The following SOX6 variants were observed in gnomAD, a reference collection of about 807,000 sequenced individuals.
SOX6 encodes SRY-box transcription factor 6, also known as transcription factor SOX-6.
In SOX6, 11 loss-of-function variants were observed where a neutral mutation model predicts 97.8. The observed-to-expected ratio is 0.11, with a 90% confidence interval of 0.07 to 0.19. The LOEUF is 0.19. Ranked by LOEUF, SOX6 falls within the 10% of genes least tolerant of loss-of-function variation. The pLI is 1.00. For missense variants in SOX6, 810 were observed against 1,039.5 expected (o/e 0.78, Z 3.04); for synonymous variants, 360 against 371.4 (o/e 0.97, Z 0.35).
intron 6 of SOX6, among the ~76,000 whole-genome samples, chr11:16,164,775 C>T (rs1385346669): frequency 2.0e-5 from 3 of 149,756 alleles, no homozygotes; most frequent in East Asian, 2.0e-4. Context: ...GAGCCGAGAT[C>T]GCACCACTGC....
At chr11:16,686,247 T>C (rs1250690653) in intron 3 of SOX6, among the ~76,000 whole-genome samples, 1 of 152,238 alleles carries the variant, frequency 6.6e-6, no homozygotes, top group Non-Finnish European at 1.5e-5. Flanking sequence ...GAATTCCTCT[T>C]CCCAAAAAAT....
intron 1 of SOX6, among the ~76,000 whole-genome samples, chr11:16,349,657 A>C (rs1856861383): frequency 9.9e-6 from 1 of 100,592 alleles, no homozygotes; most frequent in African/African-American, 3.4e-5. Context: ...AAAACAGAAG[A>C]AAGAGAGGGA....
In SOX6 at chr11:15,981,970, T is replaced by C. The variant is rs951174285; in HGVS notation, c.2183+4234A>G. ...GGTATTGTCATTCTCATTCTACATA[T>C]GAAGAAACTGGTTAGAGAGAGATTA... On this transcript the variant is annotated intron_variant, in intron 15 of 15. Coordinates refer to ENST00000683767, the MANE Select transcript of SOX6 (RefSeq NM_001367873.1). Among the ~76,000 whole-genome samples the C allele has an allele frequency of 3.9e-5, 6 of 151,972 alleles. No homozygotes were observed. In the South Asian group the frequency reaches 6.2e-4, roughly 16 times the overall value.
intron 3 of SOX6, among the ~76,000 whole-genome samples, chr11:16,650,705 C>T (rs1299354355): frequency 6.6e-6 from 1 of 151,930 alleles, no homozygotes; most frequent in Non-Finnish European, 1.5e-5. Flanking sequence ...TCTAAGGCCA[C>T]ACCTCAAGGA....
At chr11:16,207,397 T>G (rs568146448) in intron 4 of SOX6, among the ~76,000 whole-genome samples, 1 of 151,938 alleles carries the variant, frequency 6.6e-6, no homozygotes, top group Admixed American at 6.6e-5. Flanking sequence ...GGTCAGGAGA[T>G]CGAGACCATC....
intron 1 of SOX6, chr11:16,382,419 T>C (rs1857850336): frequency 1.3e-5 from 2 of 152,022 alleles, no homozygotes; most frequent in African/African-American, 4.8e-5. Flanking sequence ...GAAGGAAACA[T>C]GGCTTTTATC....
intron 3 of SOX6, among the ~76,000 whole-genome samples, chr11:16,683,394 C>G (rs917797380): frequency 1.3e-5 from 2 of 151,886 alleles, no homozygotes; most frequent in African/African-American, 2.4e-5. Flanking sequence ...GATATATAGA[C>G]CAATAGAACA....
upstream of SOX6, among the ~76,000 whole-genome samples, chr11:16,360,864 A>G (rs574766026): frequency 4.6e-5 from 7 of 152,056 alleles, no homozygotes; most frequent in Non-Finnish European, 5.9e-5. Flanking sequence ...TTGGCCGGGC[A>G]TGGTGGCAGG....
intron 3 of SOX6, among the ~76,000 whole-genome samples, chr11:16,251,691 C>A (rs150150660): frequency 1.4e-4 from 22 of 152,108 alleles, no homozygotes; most frequent in African/African-American, 5.1e-4. Flanking sequence ...GTAGTACAAA[C>A]TTGGGAAACA....
intron 11 of SOX6, among the ~76,000 whole-genome samples, chr11:16,047,012 G>A (rs1316749229): frequency 6.6e-6 from 1 of 152,092 alleles, no homozygotes; most frequent in Non-Finnish European, 1.5e-5. Flanking sequence ...TGCTCTGCCT[G>A]TATGTACAAC....
intron 13 of SOX6, among the ~76,000 whole-genome samples, chr11:16,001,727 G>C (rs1362812552): frequency 2.6e-5 from 4 of 152,160 alleles, no homozygotes; most frequent in Admixed American, 2.6e-4. Context: ...AAAGATGCAA[G>C]GGCATGTCGA....
intron 6 of SOX6, among the ~76,000 whole-genome samples, chr11:16,117,844 G>T (rs1426201107): frequency 6.6e-6 from 1 of 152,056 alleles, no homozygotes; most frequent in Non-Finnish European, 1.5e-5. Flanking sequence ...AGTCACATTG[G>T]AAACAGCAAC....
intron 2 of SOX6, among the ~76,000 whole-genome samples, chr11:16,319,376 T>G (rs1437951226): frequency 6.6e-6 from 1 of 152,180 alleles, no homozygotes; most frequent in East Asian, 1.9e-4. Flanking sequence ...TAGTTATTAT[T>G]ATTATACTTT....
intron 1 of SOX6, among the ~76,000 whole-genome samples, chr11:16,410,288 A>T (rs1325345248): frequency 6.6e-6 from 1 of 152,208 alleles, no homozygotes; most frequent in Non-Finnish European, 1.5e-5. Context: ...ATGTCCAAAT[A>T]GCAGTTCTGA....
intron 9 of SOX6, among the ~76,000 whole-genome samples, chr11:16,078,047 C>T (rs543483897): frequency 1.3e-4 from 20 of 152,038 alleles, no homozygotes; most frequent in African/African-American, 4.3e-4. Flanking sequence ...GCCTTATTTA[C>T]AGAAATAAAA....
At chr11:16,165,905 A>G (rs966451240) in intron 6 of SOX6, among the ~76,000 whole-genome samples, 2 of 152,078 alleles carry the variant, frequency 1.3e-5, no homozygotes, top group African/African-American at 4.8e-5. Context: ...CTCAAAAAAA[A>G]AAAAAAATCC....
intron 3 of SOX6, among the ~76,000 whole-genome samples, chr11:16,676,438 C>A (rs1022219872): frequency 6.6e-6 from 1 of 152,160 alleles, no homozygotes; most frequent in African/African-American, 2.4e-5. Flanking sequence ...ATTTCCTTTT[C>A]TCCTGTCCAT....
chr11:16,458,089 C>T (rs1859846072), intron 1 of SOX6, among the ~76,000 whole-genome samples: 1 of 151,890 alleles, frequency 6.6e-6, no homozygotes, highest in Non-Finnish European at 1.5e-5. Flanking sequence ...CTCTGGTGCC[C>T]CAAAACCTTA....
chr11:16,115,077 G>T (rs1248418946), intron 6 of SOX6, among the ~76,000 whole-genome samples: 1 of 152,100 alleles, frequency 6.6e-6, no homozygotes, highest in Non-Finnish European at 1.5e-5. Flanking sequence ...AGCTATGTTA[G>T]AAACTTCAAA....
Sources: gnomAD v4.1 joint callset for allele counts (sites outside exome capture counted in the v4.1 genomes callset) on GRCh38, gnomAD v4.1.1 for gene constraint, MANE v1.5 for transcripts, NCBI Gene and HGNC (gene_info 2026-07-23, HGNC 2026-07-21) for gene names.